Variants in ST3GAL4 observed in about 807,000 individuals in gnomAD.
ST3GAL4 encodes the protein CMP-N-acetylneuraminate-beta-galactosamide-alpha-2,3-sialyltransferase 4.
A neutral mutation model predicts 42.6 loss-of-function variants in ST3GAL4; 24 were observed. The ratio of observed to expected loss-of-function variants is 0.56; its 90% CI spans 0.41 to 0.79. ST3GAL4 has a LOEUF of 0.79. Among genes scored for constraint, ST3GAL4 ranks in the 30% least tolerant of loss-of-function variants. The pLI, the probability that ST3GAL4 is intolerant of heterozygous loss-of-function variation, is 0.00. For synonymous variants in ST3GAL4, 135 were observed against 163.2 expected (o/e 0.83, Z 1.32); for missense variants, 311 against 430.8 (o/e 0.72, Z 2.46).
rs1031455765 is a variant in ST3GAL4, at chr11:126,406,692, T to C, written c.101+135T>C. 3 of 736,410 alleles carry C rather than the reference T, an allele frequency of 4.1e-6. No homozygotes were observed. In the African/African-American group the frequency reaches 5.6e-5, roughly 14 times the overall value. The allele number at this position is 736,410 out of a possible 1,614,324, so 45.6% of individuals were successfully genotyped here. A position where few individuals can be genotyped will look rare whatever the true frequency, so the allele number is the denominator to read the frequency against. On this transcript the variant is annotated intron_variant, in intron 3 of 10. Coordinates refer to ENST00000444328, the MANE Select transcript of ST3GAL4 (RefSeq NM_001254757.2). The surrounding 1 kb of genome is among the most constrained non-coding windows in gnomAD (Gnocchi z 5.4). Reference sequence around the variant, plus strand: ...CACATGACCTCATCCCTTCAGCTGCTGGTACGGAGTGTTTCCATGAGGGTG... The same window carrying C: ...CACATGACCTCATCCCTTCAGCTGCCGGTACGGAGTGTTTCCATGAGGGTG...
At chr11:126,370,887 C>G (rs148328141) in intron 1 of ST3GAL4, among the ~76,000 whole-genome samples, 4 of 152,066 alleles carry the variant, frequency 2.6e-5, no homozygotes, top group African/African-American at 9.7e-5. Context: ...AGGCAGGTCT[C>G]GAGCTCCTGA....
intron 1 of ST3GAL4, among the ~76,000 whole-genome samples, chr11:126,361,910 CT>C (rs1952256569): frequency 6.7e-6 from 1 of 148,682 alleles, no homozygotes; most frequent in South Asian, 2.1e-4. Context: ...GAGATGGAGT[CT>C]GGCTCTATTG....
chr11:126,411,065 A>G lies in ST3GAL4; in HGVS notation c.771+1654A>G, dbSNP rs1954503405. On this transcript the variant is annotated intron_variant, in intron 9 of 10. Coordinates refer to ENST00000444328, the MANE Select transcript of ST3GAL4 (RefSeq NM_001254757.2). This position sits in a 1 kb window ranked among gnomAD's most constrained non-coding sequence, Gnocchi z 6.3. Reference sequence around the variant, plus strand: ...ATTACAGATGGAGAGGAGGCTGGAGAGGGAGATGAGAGAGGGCGAGGACCT... The same window carrying G: ...ATTACAGATGGAGAGGAGGCTGGAGGGGGAGATGAGAGAGGGCGAGGACCT... 6.6e-6 allele frequency among the ~76,000 whole-genome samples: 1 copy of G among 152,040 alleles called. No homozygotes were observed. The highest frequency in any genetic ancestry group is 1.5e-5 in the Non-Finnish European group (1 of 67,992).
At chr11:126,402,091 A>AG (rs146212978) in intron 1 of ST3GAL4, among the ~76,000 whole-genome samples, 13 of 131,712 alleles carry the variant, frequency 9.9e-5, no homozygotes, top group Admixed American at 1.6e-4. Flanking sequence ...ATTTGGGGGA[A>AG]AGAGGGGAGG....
rs1364866580 is a variant in ST3GAL4, at chr11:126,359,891, A to G, written c.-61+4049A>G. On this transcript the variant is annotated intron_variant, in intron 1 of 10. Coordinates refer to ENST00000444328, the MANE Select transcript of ST3GAL4 (RefSeq NM_001254757.2). The surrounding 1 kb of genome is among the most constrained non-coding windows in gnomAD (Gnocchi z 4.8). The stretch of plus-strand genomic sequence containing the variant: ...GCTGCCGCCCACATGGCTGCAAGGC[A>G]ACCACGGCCACACGTGGGGAAGGGG... Among the ~76,000 whole-genome samples the G allele has an allele frequency of 6.6e-6, 1 of 152,248 alleles. No individual in the cohort carries two copies. Among genetic ancestry groups the G allele is most frequent in the Admixed American group, 6.5e-5 (1 of 15,290 alleles).
intron 1 of ST3GAL4, among the ~76,000 whole-genome samples, chr11:126,402,465 A>G (rs1591481464): frequency 6.6e-6 from 1 of 151,714 alleles, no homozygotes; most frequent in Admixed American, 6.6e-5. Flanking sequence ...AAAAAAAAAA[A>G]AAAAGAAGAA....
At chr11:126,369,789 C>G (rs184611538) in intron 1 of ST3GAL4, among the ~76,000 whole-genome samples, 14 of 152,272 alleles carry the variant, frequency 9.2e-5, no homozygotes, top group Admixed American at 6.5e-4. Flanking sequence ...GAGAGAAAGT[C>G]ACTCTCCCAC....
chr11:126,374,896 A>G (rs1369652174), intron 1 of ST3GAL4: 2 of 152,026 alleles, frequency 1.3e-5, no homozygotes, highest in Non-Finnish European at 2.9e-5. Context: ...TGTACCTGGC[A>G]GTTGTATTAA....
At position 126,366,198 on chromosome 11, in the gene ST3GAL4, G is replaced by A. The variant is rs1323649346; in HGVS notation, c.-61+10356G>A. On this transcript the variant is annotated intron_variant, in intron 1 of 10. Coordinates refer to ENST00000444328, the MANE Select transcript of ST3GAL4 (RefSeq NM_001254757.2). The surrounding 1 kb of genome is among the most constrained non-coding windows in gnomAD (Gnocchi z 4.2). ...AACAAAGTCTATACGAGCCAGAGCT[G>A]GGGTGGGAGGAACCCAGTGGGCCTG... Among the ~76,000 whole-genome samples, 2 of 152,210 alleles carry A rather than the reference G, an allele frequency of 1.3e-5. No homozygotes were observed. The highest frequency in any genetic ancestry group is 1.9e-4 in the East Asian group (1 of 5,182).
chr11:126,372,312 G>A (rs1211320942), intron 1 of ST3GAL4, among the ~76,000 whole-genome samples: 1 of 152,170 alleles, frequency 6.6e-6, no homozygotes, highest in African/African-American at 2.4e-5. Context: ...GAATGATACA[G>A]TATTTGTCCT....
intron 1 of ST3GAL4, among the ~76,000 whole-genome samples, chr11:126,388,660 GTTTTTTT>G (rs10599019): frequency 2.5e-5 from 2 of 79,288 alleles, no homozygotes; most frequent in African/African-American, 5.4e-5. Context: ...TAGGTTTCTT[GTTTTTTT>G]TTTTTTTTTT....
At chr11:126,371,205 C>A (rs1247047583) in intron 1 of ST3GAL4, among the ~76,000 whole-genome samples, 1 of 86,696 alleles carries the variant, frequency 1.2e-5, no homozygotes, top group Non-Finnish European at 2.3e-5. Flanking sequence ...CACTCTGTTG[C>A]CCAGGCTGGA....
chr11:126,394,516 C>T (rs1163948333), intron 1 of ST3GAL4, among the ~76,000 whole-genome samples: 1 of 152,194 alleles, frequency 6.6e-6, no homozygotes, highest in Non-Finnish European at 1.5e-5. Context: ...CCTCCACCTC[C>T]CGGGCTCAAG....
In ST3GAL4 at chr11:126,396,769, C is replaced by T. The variant is rs1189002981; in HGVS notation, c.-60-9327C>T. On this transcript the variant is annotated intron_variant, in intron 1 of 10. Transcript: ENST00000444328. The surrounding 1 kb of genome is among the most constrained non-coding windows in gnomAD (Gnocchi z 5.8). ...GGAGCCAGAATTCCAGTGCCAGCTC[C>T]ACTCCTCACGAGCTGTACAACCTGG... Among the ~76,000 whole-genome samples, 6 of 149,674 alleles carry T rather than the reference C, an allele frequency of 4.0e-5. No homozygotes were observed. The highest frequency in any genetic ancestry group is 8.9e-5 in the Non-Finnish European group (6 of 67,472).
At chr11:126,367,194 G>T (rs185818143) in intron 1 of ST3GAL4, among the ~76,000 whole-genome samples, 99 of 152,228 alleles carry the variant, frequency 6.5e-4, no homozygotes, top group Admixed American at 3.4e-3. Context: ...AACTCCAGGA[G>T]GTGCTACACC....
chr11:126,406,907 C>CT lies in ST3GAL4; in HGVS notation c.102-35dup. 1 of 1,591,040 alleles carries CT rather than the reference C, an allele frequency of 6.3e-7. No homozygotes were observed. The highest frequency in any genetic ancestry group is 8.6e-7 in the Non-Finnish European group (1 of 1,159,842). On this transcript the variant is annotated intron_variant, in intron 3 of 10. Transcript: ENST00000444328. This position sits in a 1 kb window ranked among gnomAD's most constrained non-coding sequence, Gnocchi z 5.4. The stretch of plus-strand genomic sequence containing the variant: ...CTGGAACATGGGTCCCTGGGTCTGA[C>CT]TGGGGCTTCTGCCTCCTGTCCTTTT...
At chr11:126,368,937 T>C (rs60843925) in intron 1 of ST3GAL4, among the ~76,000 whole-genome samples, 27,457 of 151,952 alleles carry the variant, frequency 0.18, 2,695 homozygotes, top group East Asian at 0.32. Flanking sequence ...CCCCACCCCG[T>C]TGGAGAAGCC....
intron 1 of ST3GAL4, among the ~76,000 whole-genome samples, chr11:126,360,332 A>C (rs1952204169): frequency 6.6e-6 from 1 of 152,186 alleles, no homozygotes; most frequent in Admixed American, 6.5e-5. Flanking sequence ...CTTGCTCATG[A>C]CTGTGGGTAT....
rs1274851032 is a variant in ST3GAL4 at position 126,408,315 on chromosome 11, A to G, written c.446A>G (p.Asn149Ser). Reference sequence around the variant, plus strand: ...CTCCTCCCAACCCCCAGATTGAACAATGCCCCAGTGGCTGGCTATGAGGGT... The same window carrying G: ...CTCCTCCCAACCCCCAGATTGAACAGTGCCCCAGTGGCTGGCTATGAGGGT... ...NKYDVVIRLN[N>S]APVAGYEGDV... Residue 149 changes from asparagine to serine, a missense_variant, in exon 8 of 11, where the codon AAT (asparagine) becomes AGT (serine). Physicochemically the swap from Asn to Ser is conservative, Grantham distance 46. Coordinates refer to ENST00000444328, the MANE Select transcript of ST3GAL4 (RefSeq NM_001254757.2). The G allele has an allele frequency of 6.2e-7, 1 of 1,614,074 alleles. No individual in the cohort carries two copies. Among genetic ancestry groups the G allele is most frequent in the Non-Finnish European group, 8.5e-7 (1 of 1,179,974 alleles).
Sources: gnomAD v4.1 joint callset for allele counts (sites outside exome capture counted in the v4.1 genomes callset) on GRCh38, gnomAD v4.1.1 for gene constraint, Gnocchi (gnomAD v3.1) non-coding constraint, MANE v1.5 for transcripts, NCBI Gene and HGNC (gene_info 2026-07-23, HGNC 2026-07-21) for gene names.